Variants in CNNM1 observed in about 807,000 individuals in gnomAD.
CNNM1 encodes the protein cyclin and CBS domain divalent metal cation transport mediator 1.
In CNNM1, 44 loss-of-function variants were observed where a neutral mutation model predicts 78.8. The observed-to-expected ratio is 0.56, with a 90% CI of 0.44 to 0.72. The LOEUF is 0.72. CNNM1 is among the 30% of genes least tolerant of loss of function. CNNM1 has a pLI of 0.00. For missense variants in CNNM1, 1,101 were observed against 1,292.2 expected, an observed-to-expected ratio of 0.85 and a Z score of 2.27; for synonymous variants, 584 against 581.5, an observed-to-expected ratio of 1.00 and a Z score of -0.06.
At chr10:99,347,837 C>T (rs2030767603) in intron 1 of CNNM1, among the ~76,000 whole-genome samples, 1 of 152,020 alleles carries the variant, frequency 6.6e-6, no homozygotes, top group African/African-American at 2.4e-5. Context: ...CAGAGATCTC[C>T]ACAGGGCTCC....
intron 1 of CNNM1, 44 bp downstream of exon 1, chr10:99,331,004 A>G: frequency 6.4e-7 from 1 of 1,551,476 alleles, no homozygotes; most frequent in Non-Finnish European, 8.7e-7. Context: ...ATCCCCTTCA[A>G]AGGTATTATC....
chr10:99,369,103 A>G (rs1309281366), intron 6 of CNNM1, among the ~76,000 whole-genome samples: 1 of 152,220 alleles, frequency 6.6e-6, no homozygotes, highest in East Asian at 1.9e-4. Context: ...TGTGATGATC[A>G]TATGCTCACT....
chr10:99,361,939 CA>C (rs1413325079), intron 3 of CNNM1, among the ~76,000 whole-genome samples: 2 of 152,174 alleles, frequency 1.3e-5, no homozygotes, highest in Non-Finnish European at 1.5e-5. Context: ...TAAATAAAAT[CA>C]AAGAAAATTA....
At chr10:99,381,768 A>G (rs536293469) in intron 7 of CNNM1, among the ~76,000 whole-genome samples, 1 of 151,998 alleles carries the variant, frequency 6.6e-6, no homozygotes, top group South Asian at 2.1e-4. Context: ...AAAAACAAAA[A>G]AAAAACTTTG....
intron 1 of CNNM1, among the ~76,000 whole-genome samples, chr10:99,335,125 C>T (rs2030113433): frequency 6.6e-6 from 1 of 152,220 alleles, no homozygotes; most frequent in Non-Finnish European, 1.5e-5. Context: ...GGCTGATTCA[C>T]CTCCAGTTTC....
intron 1 of CNNM1, among the ~76,000 whole-genome samples, chr10:99,337,057 T>G (rs1478929545): frequency 6.6e-6 from 1 of 152,232 alleles, no homozygotes; most frequent in Non-Finnish European, 1.5e-5. Flanking sequence ...TAATATTTAC[T>G]CATAAGATTG....
At chr10:99,365,242 G>A (rs967845680) in intron 6 of CNNM1, 2 of 610,244 alleles carry the variant, frequency 3.3e-6, no homozygotes, top group Admixed American at 5.2e-5. Context: ...TTGGGGGGAT[G>A]CAGGGGTTGT....
intron 1 of CNNM1, among the ~76,000 whole-genome samples, chr10:99,347,902 C>T (rs971707441): frequency 3.3e-5 from 5 of 151,844 alleles, no homozygotes; most frequent in South Asian, 2.1e-4. Flanking sequence ...AGTTCATCCC[C>T]GTCTCCCTTC....
intron 1 of CNNM1, among the ~76,000 whole-genome samples, chr10:99,339,482 A>G (rs968968885): frequency 3.3e-5 from 5 of 152,222 alleles, no homozygotes; most frequent in African/African-American, 1.2e-4. Context: ...GCAGTGGGCA[A>G]GCATTACTGT....
chr10:99,356,538 A>AAGAAAGAC (rs1410128951), intron 1 of CNNM1, among the ~76,000 whole-genome samples: 5 of 87,652 alleles, frequency 5.7e-5, no homozygotes, highest in African/African-American at 1.7e-4. Flanking sequence ...GAAAGAAAGA[A>AAGAAAGAC]AGACAGACAG....
intron 6 of CNNM1, among the ~76,000 whole-genome samples, chr10:99,368,095 C>T (rs2031683417): frequency 6.6e-6 from 1 of 152,232 alleles, no homozygotes; most frequent in Admixed American, 6.5e-5. Context: ...CACAGTTCTT[C>T]ACCAACACTG....
At chr10:99,348,038 G>A (rs144552620) in intron 1 of CNNM1, among the ~76,000 whole-genome samples, 4,066 of 116,474 alleles carry the variant, frequency 0.035, 176 homozygotes, top group African/African-American at 0.17. Flanking sequence ...GTGTGTGTGT[G>A]TATATATATA....
At chr10:99,364,639 C>CT in intron 5 of CNNM1, 123 bp downstream of exon 5, 1 of 792,136 alleles carries the variant, frequency 1.3e-6, no homozygotes, top group Non-Finnish European at 2.0e-6. Context: ...ATTTAACTTC[C>CT]TTGGCTTTAG....
At position 99,330,701 on chromosome 10, in the gene CNNM1, C is replaced by T. The variant is rs895117530; in HGVS notation, c.1314C>T (p.Asp438=). Residue 438 remains aspartate (D), a synonymous_variant, in exon 1 of 11, where the codon GAC becomes GAT. Transcript: ENST00000356713. ...AGGAGGTGCTGACCCCCCTGGGAGA[C>T]TGCTTCATGCTGCGCTCAGACGCGG... The part of the protein sequence containing the change: ...VVEEVLTPLG[D]CFMLRSDAVL... The T allele has an allele frequency of 6.2e-7, 1 of 1,614,022 alleles. No individual in the cohort carries two copies.
chr10:99,329,933 G>A lies in CNNM1; in HGVS notation c.546G>A (p.Lys182=), dbSNP rs1850564498. 2 of 1,384,826 alleles carry A rather than the reference G, an allele frequency of 1.4e-6. No individual in the cohort carries two copies. Among genetic ancestry groups the A allele is most frequent in the Non-Finnish European group, 9.3e-7 (1 of 1,078,644 alleles). The allele number at this position is 1,384,826 out of a possible 1,614,324, so 85.8% of individuals were successfully genotyped here. A position where few individuals can be genotyped will look rare whatever the true frequency, so the allele number is the denominator to read the frequency against. The change falls in exon 1 of 11, where the codon AAG becomes AAA. Residue 182 remains lysine, a synonymous_variant. Transcript: ENST00000356713. ...AERGGAGGGG[K]LFSLCAWDGR... ...GGGGCGGCGCGGGCGGTGGCGGGAA[G>A]CTCTTTTCACTCTGCGCCTGGGATG...
Position 99,330,692 on chromosome 10 carries a change from C to T in CNNM1, c.1305C>T (p.Pro435=), listed in dbSNP as rs754407367. The change falls in exon 1 of 11, where the codon CCC becomes CCT. Residue 435 remains proline, a synonymous_variant. Coordinates refer to ENST00000356713, the MANE Select transcript of CNNM1 (RefSeq NM_020348.3). ...RTKVVEEVLT[P]LGDCFMLRSD... ...AAGTTGTGGAGGAGGTGCTGACCCC[C>T]CTGGGAGACTGCTTCATGCTGCGCT... The T allele has an allele frequency of 1.1e-5, 18 of 1,613,886 alleles. No individual in the cohort carries two copies. In the Admixed American group the frequency reaches 1.5e-4, roughly 13 times the overall value.
At chr10:99,364,616 G>A in intron 5 of CNNM1, 100 bp downstream of exon 5, 1 of 925,898 alleles carries the variant, frequency 1.1e-6, no homozygotes, top group Non-Finnish European at 1.6e-6. Flanking sequence ...TTGTTAATCA[G>A]CCTGGACAAG....
At chr10:99,340,555 G>A (rs1164324958) in intron 1 of CNNM1, among the ~76,000 whole-genome samples, 1 of 152,108 alleles carries the variant, frequency 6.6e-6, no homozygotes, top group Non-Finnish European at 1.5e-5. Context: ...AGGTCTGTGG[G>A]TTTTCCTAGT....
chr10:99,337,003 A>T (rs1038412047), intron 1 of CNNM1, among the ~76,000 whole-genome samples: 1 of 152,206 alleles, frequency 6.6e-6, no homozygotes, highest in Non-Finnish European at 1.5e-5. Context: ...CAAATTACTT[A>T]ACTGTTTATG....
Sources: allele counts gnomAD v4.1 joint callset (sites outside exome capture counted in the v4.1 genomes callset), GRCh38; gene constraint gnomAD v4.1.1; transcripts MANE v1.5; gene names NCBI Gene and HGNC (gene_info 2026-07-23, HGNC 2026-07-21).